The following PCDHGA2 variants were observed in gnomAD, a reference collection of about 807,000 sequenced individuals.
PCDHGA2 encodes the protein protocadherin gamma-A2.
Under a neutral mutation model 59.2 loss-of-function variants are expected in PCDHGA2, and 40 were observed. The observed-to-expected ratio is 0.68, with a 90% CI of 0.52 to 0.88. The LOEUF (loss-of-function observed/expected upper bound fraction) is 0.88, where lower values mean the gene tolerates loss of function less well. Ranked by LOEUF, PCDHGA2 falls within the 40% of genes least tolerant of loss-of-function variation. The probability of loss-of-function intolerance (pLI) is 0.00; values close to 1 mark genes in which losing one functional copy is unlikely to be tolerated. For missense variants in PCDHGA2, 1,226 were observed against 1,204.0 expected, an observed-to-expected ratio of 1.02 and a Z score of -0.27; for synonymous variants, 560 against 526.0, an observed-to-expected ratio of 1.06 and a Z score of -0.89.
At chr5:141,469,992 G>A (rs894673835) in intron 1 of PCDHGA2, among the ~76,000 whole-genome samples, 10 of 152,054 alleles carry the variant, frequency 6.6e-5, no homozygotes, top group South Asian at 2.1e-4. Context: ...TTAGCTGGTC[G>A]TCGTGGCACG....
Position 141,413,313 on chromosome 5 carries a change from C to T in PCDHGA2, c.2424+71918C>T, listed in dbSNP as rs1346034749. The T allele has an allele frequency of 1.9e-6, 3 of 1,613,842 alleles. No homozygotes were observed. The African/African-American group carries it at 4.0e-5, about 22-fold the overall frequency. On this transcript the variant is annotated intron_variant, in intron 1 of 3. Transcript: ENST00000394576. The stretch of plus-strand genomic sequence containing the variant: ...CAATTCCTGAGGAATTAGAGAAAGG[C>T]TCTTTCGTGGGCAACATCTCCAAGG...
chr5:141,469,704 C>T (rs1038504640), intron 1 of PCDHGA2, among the ~76,000 whole-genome samples: 9 of 152,340 alleles, frequency 5.9e-5, no homozygotes, highest in African/African-American at 1.9e-4. Flanking sequence ...ACCTAGTAAT[C>T]ACACTATTAG....
chr5:141,375,139 A>C, intron 1 of PCDHGA2: 1 of 1,613,936 alleles, frequency 6.2e-7, no homozygotes, highest in Non-Finnish European at 8.5e-7. Context: ...TTACATCTGG[A>C]AGCAGAACAA....
At chr5:141,354,764 G>GA (rs1350368707) in intron 1 of PCDHGA2, among the ~76,000 whole-genome samples, 1 of 151,990 alleles carries the variant, frequency 6.6e-6, no homozygotes, top group African/African-American at 2.4e-5. Flanking sequence ...CACATCTTAG[G>GA]AAAAAAATCG....
chr5:141,440,883 T>C (rs1435173649), intron 1 of PCDHGA2: 4 of 152,178 alleles, frequency 2.6e-5, no homozygotes, highest in Non-Finnish European at 5.9e-5. Flanking sequence ...AGCGTCGGCC[T>C]TCAGGAAGAT....
intron 1 of PCDHGA2, among the ~76,000 whole-genome samples, chr5:141,429,629 C>G (rs2097230011): frequency 1.3e-5 from 2 of 152,160 alleles, no homozygotes; most frequent in Admixed American, 1.3e-4. Flanking sequence ...TATTTTCTCA[C>G]AGCTACCTAT....
At chr5:141,366,253 C>T in intron 1 of PCDHGA2, 3 of 1,613,750 alleles carry the variant, frequency 1.9e-6, no homozygotes, top group Non-Finnish European at 1.7e-6. Flanking sequence ...TCAAGCAGAG[C>T]CTCGTGGTGG....
intron 1 of PCDHGA2, among the ~76,000 whole-genome samples, chr5:141,454,989 T>C (rs1460420144): frequency 6.6e-6 from 1 of 151,506 alleles, no homozygotes; most frequent in East Asian, 2.0e-4. Context: ...TTAAAAAATA[T>C]TTTTAGTAGA....
Position 141,493,788 on chromosome 5 carries a change from C to A in PCDHGA2, c.2425-1019C>A, listed in dbSNP as rs2099750132. On this transcript the variant is annotated intron_variant, in intron 1 of 3. Transcript: ENST00000394576. This position sits in a 1 kb window ranked among gnomAD's most constrained non-coding sequence, Gnocchi z 4.3. ...ACTGGCAGTTCCGGAGCTTCCTTCT[C>A]CCTGGAGTAATCTGAGATACTCACA... 6.6e-6 allele frequency among the ~76,000 whole-genome samples: 1 copy of A among 152,162 alleles called. No homozygotes were observed. The highest frequency in any genetic ancestry group is 1.5e-5 in the Non-Finnish European group (1 of 68,026).
chr5:141,374,674 G>A, intron 1 of PCDHGA2: 1 of 1,610,698 alleles, frequency 6.2e-7, no homozygotes, highest in Non-Finnish European at 8.5e-7. Flanking sequence ...TGGTGCTGGA[G>A]GGCACACTGG....
At chr5:141,371,051 G>T in intron 1 of PCDHGA2, 1 of 1,613,960 alleles carries the variant, frequency 6.2e-7, no homozygotes, top group Non-Finnish European at 8.5e-7. Flanking sequence ...ATGGGGGCGA[G>T]CCCTCCAGAA....
Position 141,438,591 on chromosome 5 carries a change from C to CAT in PCDHGA2, c.2425-56172_2425-56171dup, listed in dbSNP as rs946798767. On this transcript the variant is annotated intron_variant, in intron 1 of 3. Coordinates refer to ENST00000394576, the MANE Select transcript of PCDHGA2 (RefSeq NM_018915.4). ...TCTGATATACATACATACATACATA[C>CAT]ATATATATATATATATATATATATA... Among the ~76,000 whole-genome samples the CAT allele has an allele frequency of 6.3e-3, 476 of 75,268 alleles. 1 individual carries two copies. The highest frequency in any genetic ancestry group is 9.5e-3 in the Non-Finnish European group (352 of 37,106). 49.4% of individuals were successfully genotyped at this position (75,268 alleles called of 152,430 possible). A position where few individuals can be genotyped will look rare whatever the true frequency, so the allele number is the denominator to read the frequency against.
chr5:141,482,661 T>G (rs1215403061), intron 1 of PCDHGA2, among the ~76,000 whole-genome samples: 1 of 151,742 alleles, frequency 6.6e-6, no homozygotes, highest in Non-Finnish European at 1.5e-5. Flanking sequence ...TGAGCTATGA[T>G]CTAAAGGTTG....
At position 141,487,855 on chromosome 5, in the gene PCDHGA2, A is replaced by G. The variant is rs1033833406; in HGVS notation, c.2425-6952A>G. The G allele has an allele frequency of 2.1e-6, 2 of 974,092 alleles. No homozygotes were observed. Among genetic ancestry groups the G allele is most frequent in the Non-Finnish European group, 3.0e-6 (2 of 668,870 alleles). The allele number at this position is 974,092 out of a possible 1,614,324, so 60.3% of individuals were successfully genotyped here. Reference sequence around the variant, plus strand: ...TATATCTGAGTAAGAAATGAAAGTAATTGGTGATCAAGAGCCAGGCTGTTG... The same window carrying G: ...TATATCTGAGTAAGAAATGAAAGTAGTTGGTGATCAAGAGCCAGGCTGTTG... On this transcript the variant is annotated intron_variant, in intron 1 of 3. Transcript: ENST00000394576. The surrounding 1 kb of genome is among the most constrained non-coding windows in gnomAD (Gnocchi z 5.0).
Position 141,399,283 on chromosome 5 carries a change from G to T in PCDHGA2, c.2424+57888G>T, listed in dbSNP as rs533695738. ...GGTTAATTGTCAATTACAAGGCGAA[G>T]TCCCTTTTAAGATTATCTCTTCATC... On this transcript the variant is annotated intron_variant, in intron 1 of 3. Coordinates refer to ENST00000394576, the MANE Select transcript of PCDHGA2 (RefSeq NM_018915.4). The T allele has an allele frequency of 5.0e-6, 8 of 1,613,888 alleles. No individual in the cohort carries two copies. The South Asian group carries it at 7.7e-5, about 16-fold the overall frequency.
rs756361613 is a variant in PCDHGA2 at position 141,392,855 on chromosome 5, C to G, written c.2424+51460C>G. 3.1e-6 allele frequency: 5 copies of G among 1,612,176 alleles called. No individual in the cohort carries two copies. The highest frequency in any genetic ancestry group is 3.3e-4 in the Middle Eastern group (2 of 6,050). Reference sequence around the variant, plus strand: ...GTCGCCCCAGACGCGGCGAGCTGATCCTGCTGTGCGCGCTGCTGGGAACGC... The same window carrying G: ...GTCGCCCCAGACGCGGCGAGCTGATGCTGCTGTGCGCGCTGCTGGGAACGC... On this transcript the variant is annotated intron_variant, in intron 1 of 3. Coordinates refer to ENST00000394576, the MANE Select transcript of PCDHGA2 (RefSeq NM_018915.4).
At chr5:141,415,425 T>G (rs777503392) in intron 1 of PCDHGA2, 7 of 1,614,080 alleles carry the variant, frequency 4.3e-6, no homozygotes, top group African/African-American at 1.3e-5. Context: ...TGGACGGGGT[T>G]CGGGCTTTCC....
chr5:141,403,189 G>A (rs1234686339), intron 1 of PCDHGA2: 2 of 1,613,860 alleles, frequency 1.2e-6, no homozygotes, highest in South Asian at 1.1e-5. Flanking sequence ...CTCTGAACCC[G>A]CGCAGCGGCA....
chr5:141,472,980 C>CAAAAAAAAAAAAAAAAAAAGAAAAAAAAA (rs60579131), intron 1 of PCDHGA2, among the ~76,000 whole-genome samples: 1 of 86,106 alleles, frequency 1.2e-5, no homozygotes, highest in Admixed American at 1.2e-4. Context: ...GAGTGAAACT[C>CAAAAAAAAAAAAAAAAAAAGAAAAAAAAA]AAAAAAAAAA....
Sources: allele counts gnomAD v4.1 joint callset (sites outside exome capture counted in the v4.1 genomes callset), GRCh38; gene constraint gnomAD v4.1.1; non-coding constraint Gnocchi (gnomAD v3.1); transcripts MANE v1.5; gene names NCBI Gene and HGNC (gene_info 2026-07-23, HGNC 2026-07-21).